The following DMD variants were observed in gnomAD, a reference collection of about 807,000 sequenced individuals.
DMD encodes the protein dystrophin.
Under a neutral mutation model 330.1 loss-of-function variants are expected in DMD, and 63 were observed. The ratio of observed to expected loss-of-function variants is 0.19; its 90% CI spans 0.16 to 0.24. The LOEUF (loss-of-function observed/expected upper bound fraction) is 0.24. DMD is among the 10% of genes least tolerant of loss of function. The pLI is 1.00. For synonymous variants in DMD, 1,223 were observed against 959.8 expected, an observed-to-expected ratio of 1.27 and a Z score of -5.07; for missense variants, 3,344 against 2,684.1, an observed-to-expected ratio of 1.25 and a Z score of -5.43.
chrX:31,433,859 T>C (rs1309484662), intron 60 of DMD, among the ~76,000 whole-genome samples: 2 of 111,960 alleles, frequency 1.8e-5, no homozygotes, highest in Non-Finnish European at 3.8e-5. Context: ...ATTATAGTTT[T>C]TTTCCCCTAA....
chrX:32,763,187 T>A (rs950680454), intron 7 of DMD, among the ~76,000 whole-genome samples: 2 of 112,046 alleles, frequency 1.8e-5, no homozygotes, highest in Non-Finnish European at 3.8e-5. Flanking sequence ...ATTTCTATAA[T>A]GATCATGCTA....
chrX:32,839,645 C>T (rs767612499), intron 4 of DMD, among the ~76,000 whole-genome samples: 1 of 112,301 alleles, frequency 8.9e-6, no homozygotes, highest in Non-Finnish European at 1.9e-5. Flanking sequence ...TTTATTCTTC[C>T]TAATAAGCAA....
At chrX:32,585,398 T>C (rs1354059573) in intron 13 of DMD, among the ~76,000 whole-genome samples, 1 of 111,731 alleles carries the variant, frequency 9.0e-6, no homozygotes, top group East Asian at 2.8e-4. Flanking sequence ...CTTGCATTCA[T>C]AAAGAATATT....
At chrX:33,031,568 C>T (rs1037286736) in intron 1 of DMD, among the ~76,000 whole-genome samples, 7 of 110,721 alleles carry the variant, frequency 6.3e-5, no homozygotes, top group South Asian at 3.9e-4. Context: ...GTCAGGAGTT[C>T]GAGACCAGCC....
chrX:32,466,535 T>G (rs1032084467), intron 23 of DMD, among the ~76,000 whole-genome samples: 31 of 111,342 alleles, frequency 2.8e-4, no homozygotes, highest in African/African-American at 9.8e-4. Context: ...GCAGATGTGA[T>G]TACATTAAGG....
At chrX:32,295,341 TTAGA>T (rs2097491191) in intron 42 of DMD, among the ~76,000 whole-genome samples, 1 of 111,839 alleles carries the variant, frequency 8.9e-6, no homozygotes, top group Non-Finnish European at 1.9e-5. Context: ...TAGAGAAAAA[TTAGA>T]TAGCACAGTA....
chrX:33,030,786 A>T (rs1407059064), intron 1 of DMD, among the ~76,000 whole-genome samples: 2 of 111,630 alleles, frequency 1.8e-5, no homozygotes, highest in Non-Finnish European at 3.8e-5. Context: ...CTGAAAATTT[A>T]AAAAAATACA....
intron 43 of DMD, among the ~76,000 whole-genome samples, chrX:32,223,966 T>C (rs976530179): frequency 2.7e-5 from 3 of 111,773 alleles, no homozygotes; most frequent in Non-Finnish European, 5.6e-5. Context: ...GCCATCCAGG[T>C]CAAGATACAG....
chrX:32,580,768 G>A (rs1294558779), intron 13 of DMD, among the ~76,000 whole-genome samples: 2 of 111,406 alleles, frequency 1.8e-5, no homozygotes, highest in African/African-American at 3.3e-5. Context: ...TTTTATACAA[G>A]AATTGAAAAT....
chrX:33,037,926 T>A (rs2094231970), intron 1 of DMD, among the ~76,000 whole-genome samples: 1 of 112,172 alleles, frequency 8.9e-6, no homozygotes, highest in Admixed American at 9.4e-5. Flanking sequence ...GTGTGAACAA[T>A]ATCATTACAT....
chrX:32,265,077 T>C (rs142593866), intron 43 of DMD, among the ~76,000 whole-genome samples: 2,718 of 111,884 alleles, frequency 0.024, 83 homozygotes, highest in African/African-American at 0.083. Flanking sequence ...AATGGGAAAA[T>C]TGTCTCCAGG....
chrX:33,227,850 A>G (rs2052318517), intron 1 of DMD, among the ~76,000 whole-genome samples: 1 of 111,323 alleles, frequency 9.0e-6, no homozygotes, highest in Non-Finnish European at 1.9e-5. Context: ...TCTGAGCCCC[A>G]CAATGAATAT....
chrX:31,700,583 G>C (rs561138456), intron 52 of DMD, among the ~76,000 whole-genome samples: 8 of 112,078 alleles, frequency 7.1e-5, no homozygotes, highest in Admixed American at 5.7e-4. Flanking sequence ...AGCTGGGTGA[G>C]AGGAGGATTG....
intron 60 of DMD, among the ~76,000 whole-genome samples, chrX:31,388,435 C>A (rs2060552727): frequency 9.0e-6 from 1 of 111,587 alleles, no homozygotes; most frequent in South Asian, 3.7e-4. Flanking sequence ...AATTGAATGA[C>A]TAAGTGAATA....
At chrX:32,295,994 T>G (rs1371015377) in intron 42 of DMD, among the ~76,000 whole-genome samples, 1 of 112,485 alleles carries the variant, frequency 8.9e-6, no homozygotes, top group African/African-American at 3.2e-5. Flanking sequence ...TCACTTTTGA[T>G]GAAAGTAAAC....
At chrX:31,860,141 C>G (rs2093676872) in intron 48 of DMD, among the ~76,000 whole-genome samples, 1 of 111,396 alleles carries the variant, frequency 9.0e-6, no homozygotes, top group African/African-American at 3.3e-5. Context: ...GACGTTCTCT[C>G]ATAACTTCCT....
At chrX:31,992,033 C>T (rs1399025366) in intron 44 of DMD, among the ~76,000 whole-genome samples, 6 of 111,457 alleles carry the variant, frequency 5.4e-5, no homozygotes, top group Admixed American at 1.9e-4. Flanking sequence ...AGACTTAAAA[C>T]GCAGTGTAAG....
intron 76 of DMD, among the ~76,000 whole-genome samples, chrX:31,136,434 TC>T (rs1200772691): frequency 4.5e-5 from 5 of 112,146 alleles, no homozygotes; most frequent in African/African-American, 1.6e-4. Context: ...AGGATCAAGA[TC>T]CTGACAACTG....
At chrX:33,142,229 G>A (rs908666497) in intron 1 of DMD, among the ~76,000 whole-genome samples, 3 of 111,920 alleles carry the variant, frequency 2.7e-5, no homozygotes, top group Non-Finnish European at 3.8e-5. Flanking sequence ...GGGATTACAG[G>A]CATGTGCCAC....
Sources: allele counts gnomAD v4.1 joint callset (sites outside exome capture counted in the v4.1 genomes callset), GRCh38; gene constraint gnomAD v4.1.1; transcripts MANE v1.5; gene names NCBI Gene and HGNC (gene_info 2026-07-23, HGNC 2026-07-21).